Variants in KIAA1217 observed in about 807,000 individuals in gnomAD.
The protein encoded by KIAA1217 is KIAA1217.
KIAA1217 carries 88 observed loss-of-function variants against 163.9 expected under a neutral mutation model. The ratio of observed to expected loss-of-function variants is 0.54; its 90% confidence interval spans 0.45 to 0.64. The LOEUF is 0.64. KIAA1217 is among the 30% of genes least tolerant of loss of function. The pLI is 0.00. For missense variants in KIAA1217, 2,372 were observed against 2,475.0 expected, an observed-to-expected ratio of 0.96 and a Z score of 0.88; for synonymous variants, 903 against 923.1, an observed-to-expected ratio of 0.98 and a Z score of 0.39.
At chr10:24,043,974 AT>A (rs1334184248) in intron 2 of KIAA1217, among the ~76,000 whole-genome samples, 1 of 152,110 alleles carries the variant, frequency 6.6e-6, no homozygotes, top group African/African-American at 2.4e-5. Flanking sequence ...AATAAGACAT[AT>A]TTTTGTAAAT....
chr10:24,071,980 T>C (rs1357448083), intron 2 of KIAA1217, among the ~76,000 whole-genome samples: 1 of 152,226 alleles, frequency 6.6e-6, no homozygotes, highest in Non-Finnish European at 1.5e-5. Context: ...CCCAGCTTTA[T>C]TTTTTATGAC....
At chr10:24,520,375 G>A in intron 11 of KIAA1217, 122 bp downstream of exon 11, 1 of 1,364,658 alleles carries the variant, frequency 7.3e-7, no homozygotes, top group South Asian at 1.4e-5. Context: ...CATGTGCCAG[G>A]CATTGTTCTG....
intron 2 of KIAA1217, among the ~76,000 whole-genome samples, chr10:24,048,737 A>T (rs1299451151): frequency 1.3e-4 from 20 of 149,498 alleles, no homozygotes; most frequent in African/African-American, 5.0e-4. Flanking sequence ...CTCAAAAAAA[A>T]AAAAAAATAT....
intron 5 of KIAA1217, among the ~76,000 whole-genome samples, chr10:24,471,815 G>A (rs2063543490): frequency 6.6e-6 from 1 of 151,138 alleles, no homozygotes; most frequent in Non-Finnish European, 1.5e-5. Context: ...CCCAGGAGGT[G>A]GAGATTGCAG....
rs369009902 is a variant in KIAA1217 at position 24,368,773 on chromosome 10, G to A, written c.355-12096G>A. 3.0e-5 allele frequency: 25 copies of A among 847,456 alleles called. No individual in the cohort carries two copies. In the East Asian group the frequency reaches 3.7e-4, roughly 13 times the overall value. 52.5% of individuals were successfully genotyped at this position (847,456 alleles called of 1,614,324 possible). A position where few individuals can be genotyped will look rare whatever the true frequency, so the allele number is the denominator to read the frequency against. ...TCTCACATAGGATCCCAGAAGCTACGGGACTTCCCAAGAACAGTAGGAAGC... is the reference window on the plus strand; with the variant it reads ...TCTCACATAGGATCCCAGAAGCTACAGGACTTCCCAAGAACAGTAGGAAGC... On this transcript the variant is annotated intron_variant, in intron 2 of 20. Transcript: ENST00000376454.
At chr10:24,134,307 G>C (rs545213340) in intron 2 of KIAA1217, among the ~76,000 whole-genome samples, 18 of 152,310 alleles carry the variant, frequency 1.2e-4, no homozygotes, top group African/African-American at 4.3e-4. Context: ...AAACATAGCA[G>C]ATGCAGGTAG....
intron 2 of KIAA1217, among the ~76,000 whole-genome samples, chr10:24,280,824 A>AG (rs1291324934): frequency 6.6e-6 from 1 of 151,966 alleles, no homozygotes; most frequent in Non-Finnish European, 1.5e-5. Context: ...AAAAAAAAAA[A>AG]AAGAATAAAC....
chr10:24,175,922 T>C (rs543599707), intron 2 of KIAA1217, among the ~76,000 whole-genome samples: 10 of 152,288 alleles, frequency 6.6e-5, no homozygotes, highest in African/African-American at 1.9e-4. Flanking sequence ...ATAAAGGCAG[T>C]GCGGACCCAA....
At chr10:24,207,410 T>G (rs375819767), upstream of KIAA1217, among the ~76,000 whole-genome samples, 3 of 152,130 alleles carry the variant, frequency 2.0e-5, no homozygotes, top group African/African-American at 7.2e-5. Flanking sequence ...GATCTGGACC[T>G]GAAAGGCTGA....
chr10:24,461,440 C>T (rs2062397887), intron 5 of KIAA1217, among the ~76,000 whole-genome samples: 3 of 152,268 alleles, frequency 2.0e-5, no homozygotes, highest in African/African-American at 4.8e-5. Flanking sequence ...CTGCAGCCTC[C>T]ATCTCCCAGG....
rs1719658277 is a variant in KIAA1217 at position 23,777,908 on chromosome 10, C to T, written c.-321+82674C>T. On this transcript the variant is annotated intron_variant, in intron 1 of 18. Transcript: ENST00000376462. Reference sequence around the variant, plus strand: ...TTCTGTTTACCTCTTTAAGAAGTCACTGACTACCAGTCTTAACTACGGAAA... The same window carrying T: ...TTCTGTTTACCTCTTTAAGAAGTCATTGACTACCAGTCTTAACTACGGAAA... 2.0e-5 allele frequency among the ~76,000 whole-genome samples: 3 copies of T among 152,142 alleles called. No individual in the cohort carries two copies. The South Asian group carries it at 6.2e-4, about 31-fold the overall frequency.
chr10:24,131,949 C>T (rs2063667015), intron 2 of KIAA1217, among the ~76,000 whole-genome samples: 1 of 152,208 alleles, frequency 6.6e-6, no homozygotes, highest in Non-Finnish European at 1.5e-5. Context: ...TCAGTGACTT[C>T]TCACTATAAA....
intron 1 of KIAA1217, among the ~76,000 whole-genome samples, chr10:23,839,058 TTGA>T (rs1219282604): frequency 1.1e-4 from 17 of 152,298 alleles, no homozygotes; most frequent in Admixed American, 2.6e-4. Context: ...CAACATTTTA[TTGA>T]TTTTTCCACA....
intron 5 of KIAA1217, among the ~76,000 whole-genome samples, chr10:24,453,560 G>A (rs1342031920): frequency 3.3e-5 from 5 of 152,188 alleles, no homozygotes; most frequent in Admixed American, 3.3e-4. Flanking sequence ...ACTTTGAATA[G>A]AGCAATATTG....
At chr10:24,026,613 CT>C (rs1223198218) in intron 2 of KIAA1217, among the ~76,000 whole-genome samples, 3 of 151,388 alleles carry the variant, frequency 2.0e-5, no homozygotes, top group Non-Finnish European at 4.4e-5. Flanking sequence ...TATTCATAAT[CT>C]GTGTGATTCT....
intron 2 of KIAA1217, among the ~76,000 whole-genome samples, chr10:24,088,323 T>C (rs2061789716): frequency 8.7e-6 from 1 of 115,516 alleles, no homozygotes; most frequent in African/African-American, 2.7e-5. Flanking sequence ...TACTTTAAGT[T>C]CTAGGGTACA....
chr10:24,302,529 T>C (rs121126), intron 2 of KIAA1217, among the ~76,000 whole-genome samples: 50,266 of 152,048 alleles, frequency 0.33, 9,400 homozygotes, highest in Non-Finnish European at 0.43. Context: ...TTCTTATTTA[T>C]TCAGTGTATA....
chr10:23,763,745 A>G (rs1329507867), intron 1 of KIAA1217, among the ~76,000 whole-genome samples: 2 of 152,220 alleles, frequency 1.3e-5, no homozygotes, highest in Non-Finnish European at 2.9e-5. Context: ...GTCTGCACAT[A>G]CACAAAGTCA....
In KIAA1217 at chr10:24,343,543, T is replaced by G. The variant is rs182665127; in HGVS notation, c.355-37326T>G. Among the ~76,000 whole-genome samples the G allele has an allele frequency of 1.5e-4, 23 of 152,350 alleles. No individual in the cohort carries two copies. The East Asian group carries it at 4.4e-3, about 29-fold the overall frequency. ...CTTTATGCAAATATTTCTCCAGTTG[T>G]TAAAGTTTGCATGTATTTTTCCCAT... On this transcript the variant is annotated intron_variant, in intron 2 of 20. Coordinates refer to ENST00000376454, the MANE Select transcript of KIAA1217 (RefSeq NM_019590.5).
Sources: gnomAD v4.1 joint callset for allele counts (sites outside exome capture counted in the v4.1 genomes callset) on GRCh38, gnomAD v4.1.1 for gene constraint, MANE v1.5 for transcripts, NCBI Gene and HGNC (gene_info 2026-07-23, HGNC 2026-07-21) for gene names.